CAMTA1: variants seen among roughly 807,000 people sequenced by gnomAD.
The protein encoded by CAMTA1 is calmodulin-binding transcription activator 1.
A neutral mutation model predicts 170.9 loss-of-function variants in CAMTA1; 27 were observed. That is an observed-to-expected ratio of 0.16 (90% CI 0.12 to 0.22). CAMTA1 has a LOEUF of 0.22. Ranked by LOEUF, CAMTA1 falls within the 10% of genes least tolerant of loss-of-function variation. The pLI is 1.00. For synonymous variants in CAMTA1, 833 were observed against 891.5 expected (o/e 0.93, Z 1.17); for missense variants, 1,619 against 2,217.2 (o/e 0.73, Z 5.42).
At chr1:7,381,160 A>G (rs566411415) in intron 5 of CAMTA1, among the ~76,000 whole-genome samples, 1 of 151,872 alleles carries the variant, frequency 6.6e-6, no homozygotes, top group Non-Finnish European at 1.5e-5. Context: ...TTATTTATTT[A>G]TTTATTATTA....
chr1:7,026,101 C>T (rs1435735977), intron 3 of CAMTA1, among the ~76,000 whole-genome samples: 1 of 148,256 alleles, frequency 6.7e-6, no homozygotes, highest in South Asian at 2.1e-4. Flanking sequence ...ACCTGGGCAA[C>T]AGAGCGAGAC....
intron 5 of CAMTA1, among the ~76,000 whole-genome samples, chr1:7,349,110 T>C (rs2084448650): frequency 6.6e-6 from 1 of 152,238 alleles, no homozygotes; most frequent in African/African-American, 2.4e-5. Flanking sequence ...AAATCCGAGC[T>C]GTGATATAAA....
intron 1 of CAMTA1, among the ~76,000 whole-genome samples, chr1:6,801,018 G>A (rs1042595376): frequency 6.6e-6 from 1 of 152,184 alleles, no homozygotes; most frequent in Non-Finnish European, 1.5e-5. Flanking sequence ...CTTGATAGAG[G>A]CTGTTGTGCT....
chr1:7,480,153 G>A (rs377189389), intron 6 of CAMTA1, among the ~76,000 whole-genome samples: 2,148 of 150,808 alleles, frequency 0.014, 59 homozygotes, highest in African/African-American at 0.05. Context: ...CTGTGTCCGT[G>A]TGGGTGCATG....
chr1:7,568,794 A>G (rs1011933190), intron 6 of CAMTA1, among the ~76,000 whole-genome samples: 2 of 150,750 alleles, frequency 1.3e-5, no homozygotes, highest in Non-Finnish European at 3.0e-5. Context: ...CACCACCACC[A>G]TCCATCATCA....
chr1:7,326,939 G>A (rs2149715932), intron 5 of CAMTA1, among the ~76,000 whole-genome samples: 1 of 152,272 alleles, frequency 6.6e-6, no homozygotes, highest in African/African-American at 2.4e-5. Flanking sequence ...GACCCCTCAG[G>A]AGAAGTGCAC....
intron 21 of CAMTA1, 143 bp downstream of exon 21, chr1:7,752,676 G>C (rs1377142636): frequency 4.8e-6 from 3 of 627,198 alleles, no homozygotes; most frequent in Non-Finnish European, 8.0e-6. Context: ...TAGGGCGGTA[G>C]AGCTCTTTAA....
chr1:7,672,331 C>T (rs1346345983), intron 10 of CAMTA1, among the ~76,000 whole-genome samples: 1 of 152,202 alleles, frequency 6.6e-6, no homozygotes, highest in Non-Finnish European at 1.5e-5. Context: ...TCTGCCACCA[C>T]CACCCCACCC....
chr1:7,722,377 C>T (rs1051387947), intron 11 of CAMTA1, among the ~76,000 whole-genome samples: 1 of 152,140 alleles, frequency 6.6e-6, no homozygotes, highest in Non-Finnish European at 1.5e-5. Context: ...TGTGACACTT[C>T]GTGGAACAGC....
intron 3 of CAMTA1, among the ~76,000 whole-genome samples, chr1:7,088,440 A>C (rs1641034587): frequency 6.6e-6 from 1 of 152,190 alleles, no homozygotes; most frequent in South Asian, 2.1e-4. Flanking sequence ...GCCTGTACCC[A>C]TCGCTCGACT....
intron 5 of CAMTA1, among the ~76,000 whole-genome samples, chr1:7,322,317 T>C (rs1393449616): frequency 6.6e-6 from 1 of 152,238 alleles, no homozygotes; most frequent in Non-Finnish European, 1.5e-5. Context: ...TTGGGCTGTT[T>C]CTGATCTTTC....
intron 4 of CAMTA1, among the ~76,000 whole-genome samples, chr1:7,164,599 G>A (rs1231709857): frequency 6.6e-6 from 1 of 152,206 alleles, no homozygotes. Flanking sequence ...GTGCGGAATT[G>A]GGCATCTGGT....
In CAMTA1 at chr1:7,405,298, G is replaced by A. The variant is rs2090207370; in HGVS notation, c.439-62532G>A. On this transcript the variant is annotated intron_variant, in intron 5 of 22. Transcript: ENST00000303635. ...TGTCACCTCCTCCAGGACTTCCTTG[G>A]TACTTCTCTCTCTCTGATTTCACTA... 2.6e-5 allele frequency among the ~76,000 whole-genome samples: 4 copies of A among 151,964 alleles called. No individual in the cohort carries two copies. In the South Asian group the frequency reaches 8.3e-4, roughly 32 times the overall value.
chr1:6,943,443 C>G (rs540444430), intron 3 of CAMTA1, among the ~76,000 whole-genome samples: 1 of 152,244 alleles, frequency 6.6e-6, no homozygotes, highest in South Asian at 2.1e-4. Context: ...AGGTGGCGCC[C>G]CACACCTCCT....
intron 4 of CAMTA1, among the ~76,000 whole-genome samples, chr1:7,129,817 C>G (rs991434509): frequency 1.3e-5 from 2 of 152,166 alleles, no homozygotes; most frequent in Non-Finnish European, 2.9e-5. Context: ...CATCTCTAGA[C>G]AACCACTTAC....
intron 3 of CAMTA1, among the ~76,000 whole-genome samples, chr1:7,088,749 G>C (rs1411763117): frequency 6.6e-6 from 1 of 152,176 alleles, no homozygotes; most frequent in Non-Finnish European, 1.5e-5. Context: ...TCTCAGCATG[G>C]TCCTGAGCAG....
At chr1:7,025,013 C>T (rs1363515389) in intron 3 of CAMTA1, among the ~76,000 whole-genome samples, 2 of 152,170 alleles carry the variant, frequency 1.3e-5, no homozygotes, top group African/African-American at 4.8e-5. Flanking sequence ...GGGTGACTCC[C>T]TAAGACTAAT....
intron 3 of CAMTA1, among the ~76,000 whole-genome samples, chr1:6,919,282 C>T (rs1436325081): frequency 1.3e-5 from 2 of 152,100 alleles, no homozygotes; most frequent in Non-Finnish European, 2.9e-5. Context: ...CCCTGCTGGG[C>T]CTGGCTGGAG....
intron 3 of CAMTA1, among the ~76,000 whole-genome samples, chr1:6,834,838 C>G (rs1652234237): frequency 6.6e-6 from 1 of 152,134 alleles, no homozygotes; most frequent in South Asian, 2.1e-4. Flanking sequence ...TCTCGCTCGC[C>G]ATGTTGCCCA....
Sources: allele counts gnomAD v4.1 joint callset (sites outside exome capture counted in the v4.1 genomes callset), GRCh38; gene constraint gnomAD v4.1.1; transcripts MANE v1.5; gene names NCBI Gene and HGNC (gene_info 2026-07-23, HGNC 2026-07-21).